MLLT1: variants seen among roughly 807,000 people sequenced by gnomAD.
The protein encoded by MLLT1 is protein ENL.
Under a neutral mutation model 55.1 loss-of-function variants are expected in MLLT1, and 11 were observed. That is an observed-to-expected ratio of 0.20 (90% CI 0.13 to 0.33). MLLT1 has a LOEUF of 0.33. Ranked by LOEUF, MLLT1 falls within the 10% of genes least tolerant of loss-of-function variation. The pLI, the probability that MLLT1 is intolerant of heterozygous loss-of-function variation, is 1.00. For synonymous variants in MLLT1, 323 were observed against 320.1 expected (o/e 1.01, Z -0.10); for missense variants, 536 against 760.6 (o/e 0.70, Z 3.47).
chr19:6,247,907 G>A (rs1267839842), intron 3 of MLLT1, among the ~76,000 whole-genome samples: 3 of 141,400 alleles, frequency 2.1e-5, no homozygotes, highest in Admixed American at 2.1e-4. Context: ...TTTGTTTTTT[G>A]TGAGACAGAG....
Position 6,211,363 on chromosome 19 carries a change from A to C in MLLT1, c.*1679T>G, listed in dbSNP as rs192620163. The stretch of plus-strand genomic sequence containing the variant: ...GAGGAGTCCCGGAGGCTTCCTCCGA[A>C]GGTTCTCGGGCCTTTCCCCGAGAGT... On this transcript the variant is annotated 3_prime_UTR_variant, in exon 12 of 12. Coordinates refer to ENST00000252674, the MANE Select transcript of MLLT1 (RefSeq NM_005934.4). The surrounding 1 kb of genome is among the most constrained non-coding windows in gnomAD (Gnocchi z 4.6). 2.7e-4 allele frequency: 62 copies of C among 233,514 alleles called. No individual in the cohort carries two copies. The highest frequency in any genetic ancestry group is 6.2e-4 in the Admixed American group (11 of 17,766). 14.5% of individuals were successfully genotyped at this position (233,514 alleles called of 1,614,324 possible). A position where few individuals can be genotyped will look rare whatever the true frequency, so the allele number is the denominator to read the frequency against.
At position 6,230,964 on chromosome 19, in the gene MLLT1, G is replaced by A. The variant is rs566553904; in HGVS notation, c.277-251C>T. Among the ~76,000 whole-genome samples the A allele has an allele frequency of 6.6e-6, 1 of 152,178 alleles. No homozygotes were observed. The highest frequency in any genetic ancestry group is 6.5e-5 in the Admixed American group (1 of 15,280). ...AAAGCTCATTCATAGCCATGCTCTC[G>A]GACTGTTATGGGAAACATGTACCCC... On this transcript the variant is annotated intron_variant, in intron 3 of 11. Transcript: ENST00000252674. This position sits in a 1 kb window ranked among gnomAD's most constrained non-coding sequence, Gnocchi z 9.0.
intron 3 of MLLT1, among the ~76,000 whole-genome samples, chr19:6,255,448 G>A (rs1447497169): frequency 1.3e-5 from 2 of 152,132 alleles, no homozygotes; most frequent in Non-Finnish European, 2.9e-5. Flanking sequence ...AGCCAAGATC[G>A]TGCCACTGCA....
intron 10 of MLLT1, 75 bp from the exon 11 acceptor site, chr19:6,213,483 A>C (rs1600166616): frequency 7.7e-7 from 1 of 1,300,594 alleles, no homozygotes. Flanking sequence ...AGCCCCACCC[A>C]TGACCCAGTC....
intron 1 of MLLT1, among the ~76,000 whole-genome samples, chr19:6,276,991 C>T (rs1200339580): frequency 6.6e-6 from 1 of 152,202 alleles, no homozygotes; most frequent in East Asian, 1.9e-4. Flanking sequence ...CTCCCAAAGC[C>T]AGCGACTGGG....
At chr19:6,224,817 C>A (rs1197682036) in intron 5 of MLLT1, among the ~76,000 whole-genome samples, 1 of 152,150 alleles carries the variant, frequency 6.6e-6, no homozygotes, top group Admixed American at 6.5e-5. Flanking sequence ...GCAAGCTCCG[C>A]CTCCCGGGTT....
chr19:6,242,285 C>T (rs979893770), intron 3 of MLLT1, among the ~76,000 whole-genome samples: 1 of 152,184 alleles, frequency 6.6e-6, no homozygotes, highest in African/African-American at 2.4e-5. Context: ...CCTCCCCTGT[C>T]ATGTGCGACT....
intron 6 of MLLT1, among the ~76,000 whole-genome samples, chr19:6,221,839 G>A (rs2090900578): frequency 6.6e-6 from 1 of 152,220 alleles, no homozygotes; most frequent in South Asian, 2.1e-4. Flanking sequence ...GGGGAGCTCA[G>A]AACCTCAGGA....
At chr19:6,213,912 C>G (rs778923428) in intron 9 of MLLT1, 27 bp downstream of exon 9, 2 of 1,472,400 alleles carry the variant, frequency 1.4e-6, no homozygotes, top group Non-Finnish European at 1.8e-6. Context: ...CTCTGGTGCA[C>G]CCCCTGCCTG....
At position 6,216,445 on chromosome 19, in the gene MLLT1, C is replaced by T. The variant is rs989140568; in HGVS notation, c.1267G>A (p.Glu423Lys). ...ESDEDDSSSG[E>K]EAAGKTNPGR... ...GGGTTGGTCTTGCCGGCAGCCTCCT[C>T]GCCTGACGAAGAGTCGTCCTCGTCG... Residue 423 changes from glutamate (E) to lysine (K), a missense_variant, in exon 8 of 12, where the codon GAG becomes AAG. Glu to Lys is a moderately conservative substitution (Grantham distance 56, BLOSUM62 1). Coordinates refer to ENST00000252674, the MANE Select transcript of MLLT1 (RefSeq NM_005934.4). 1.9e-6 allele frequency: 3 copies of T among 1,609,970 alleles called. No homozygotes were observed. The highest frequency in any genetic ancestry group is 1.1e-5 in the South Asian group (1 of 90,402).
intron 3 of MLLT1, among the ~76,000 whole-genome samples, chr19:6,241,140 C>G (rs542477511): frequency 6.6e-6 from 1 of 152,210 alleles, no homozygotes; most frequent in African/African-American, 2.4e-5. Context: ...CTGAGACCTG[C>G]GAGTGGTCAG....
At chr19:6,271,985 C>G (rs1027743050) in intron 1 of MLLT1, among the ~76,000 whole-genome samples, 1 of 152,248 alleles carries the variant, frequency 6.6e-6, no homozygotes, top group Non-Finnish European at 1.5e-5. Context: ...TGGCTGAGTG[C>G]CCCGGCGCCT....
rs1568272638 is a variant in MLLT1, at chr19:6,213,108, G to A, written c.1614C>T (p.Asp538=). 9 of 1,613,890 alleles carry A rather than the reference G, an allele frequency of 5.6e-6. No individual in the cohort carries two copies. The Admixed American group carries it at 6.7e-5, about 12-fold the overall frequency. Residue 538 remains aspartate (D), a synonymous_variant, in exon 12 of 12, where the codon GAC becomes GAT. Coordinates refer to ENST00000252674, the MANE Select transcript of MLLT1 (RefSeq NM_005934.4). The part of the protein sequence containing the change: ...FNVTNTTFDF[D]LFSLDETTVR... Reference sequence around the variant, plus strand: ...CGGTGGTCTCGTCCAGGGAGAAGAGGTCGAAGTCGAAGGTGGTGTTGGTGA... The same window carrying A: ...CGGTGGTCTCGTCCAGGGAGAAGAGATCGAAGTCGAAGGTGGTGTTGGTGA...
intron 5 of MLLT1, among the ~76,000 whole-genome samples, chr19:6,225,896 C>T (rs1286203901): frequency 6.6e-6 from 1 of 152,234 alleles, no homozygotes; most frequent in East Asian, 1.9e-4. Flanking sequence ...AGATCCCCAG[C>T]AAGAGCTTTT....
Position 6,211,370 on chromosome 19 carries a change from C to T in MLLT1, c.*1672G>A, listed in dbSNP as rs1024479046. On this transcript the variant is annotated 3_prime_UTR_variant, in exon 12 of 12. Transcript: ENST00000252674. The surrounding 1 kb of genome is among the most constrained non-coding windows in gnomAD (Gnocchi z 4.6). ...CCCGGAGGCTTCCTCCGAAGGTTCT[C>T]GGGCCTTTCCCCGAGAGTTCTGGGG... 7.3e-5 allele frequency: 17 copies of T among 234,406 alleles called. No individual in the cohort carries two copies. The highest frequency in any genetic ancestry group is 2.6e-4 in the African/African-American group (12 of 45,300). The allele number at this position is 234,406 out of a possible 1,614,324, so 14.5% of individuals were successfully genotyped here.
chr19:6,240,895 T>C lies in MLLT1; in HGVS notation c.277-10182A>G, dbSNP rs543665731. On this transcript the variant is annotated intron_variant, in intron 3 of 11. Transcript: ENST00000252674. The surrounding 1 kb of genome is among the most constrained non-coding windows in gnomAD (Gnocchi z 4.7). Reference sequence around the variant, plus strand: ...GCAGACACCACATTTTAAAATGCTCTCCATGGAAACAGACGTTTTTAGACT... The same window carrying C: ...GCAGACACCACATTTTAAAATGCTCCCCATGGAAACAGACGTTTTTAGACT... Among the ~76,000 whole-genome samples, 4 of 152,248 alleles carry C rather than the reference T, an allele frequency of 2.6e-5. No homozygotes were observed. The East Asian group carries it at 7.7e-4, about 29-fold the overall frequency.
chr19:6,243,306 C>T (rs530139044), intron 3 of MLLT1, among the ~76,000 whole-genome samples: 1 of 152,302 alleles, frequency 6.6e-6, no homozygotes, highest in Admixed American at 6.5e-5. Context: ...ACCAGGGCAT[C>T]AAAGCCTCCC....
At chr19:6,213,847 C>A (rs548641149) in intron 9 of MLLT1, 50 bp from the exon 10 acceptor site, 4 of 1,594,786 alleles carry the variant, frequency 2.5e-6, no homozygotes, top group African/African-American at 1.3e-5. Flanking sequence ...CCCTCCCCAG[C>A]CCCGAAGGCC....
At position 6,222,272 on chromosome 19, in the gene MLLT1, G is replaced by A. The variant is rs368999165; in HGVS notation, c.959C>T (p.Ser320Phe). Residue 320 changes from serine to phenylalanine, a missense_variant, in exon 6 of 12, where the codon TCC becomes TTC. Ser to Phe is a radical substitution (Grantham distance 155). This residue lies in a region of MLLT1 where 449 missense variants were observed against 489.0 expected (regional missense o/e 0.92). Transcript: ENST00000252674. This position sits in a 1 kb window ranked among gnomAD's most constrained non-coding sequence, Gnocchi z 4.1. ...CTTCTTGTCCGAGAAGGAGGAGGAG[G>A]AGGAGGTGCGGGGCGAGGTGCCTGG... ...SAPGTSPRTS[S>F]SSSFSDKKPA... 6.2e-7 allele frequency: 1 copy of A among 1,612,328 alleles called. No homozygotes were observed. The highest frequency in any genetic ancestry group is 8.5e-7 in the Non-Finnish European group (1 of 1,179,400).
Sources: allele counts gnomAD v4.1 joint callset (sites outside exome capture counted in the v4.1 genomes callset), GRCh38; gene constraint gnomAD v4.1.1; regional missense constraint gnomAD v4.1.1; non-coding constraint Gnocchi (gnomAD v3.1); transcripts MANE v1.5; gene names NCBI Gene and HGNC (gene_info 2026-07-23, HGNC 2026-07-21).